USH2A: variants seen among roughly 807,000 people sequenced by gnomAD.
USH2A encodes Usher syndrome 2A (autosomal recessive, mild).
A neutral mutation model predicts 538.9 loss-of-function variants in USH2A; 443 were observed. The observed-to-expected ratio is 0.82, with a 90% CI of 0.76 to 0.89. USH2A has a LOEUF of 0.89. Ranked by LOEUF, USH2A falls within the 40% of genes least tolerant of loss-of-function variation. The probability of loss-of-function intolerance (pLI) is 0.00; values close to 1 mark genes in which losing one functional copy is unlikely to be tolerated. For synonymous variants in USH2A, 2,413 were observed against 2,273.5 expected, an observed-to-expected ratio of 1.06 and a Z score of -1.75; for missense variants, 6,633 against 6,324.8, an observed-to-expected ratio of 1.05 and a Z score of -1.65.
chr1:216,235,276 T>C (rs572620202), intron 13 of USH2A, among the ~76,000 whole-genome samples: 1 of 152,204 alleles, frequency 6.6e-6, no homozygotes, highest in Non-Finnish European at 1.5e-5. Context: ...TTCTTCATGT[T>C]CCAAATCTTT....
At chr1:216,158,461 T>C (rs1034932532) in intron 21 of USH2A, among the ~76,000 whole-genome samples, 4 of 152,110 alleles carry the variant, frequency 2.6e-5, no homozygotes, top group Non-Finnish European at 5.9e-5. Flanking sequence ...CTTGAACTCC[T>C]GAGCACAAGC....
chr1:215,681,276 G>GTATTGCATACAA (rs1658220653), intron 61 of USH2A, among the ~76,000 whole-genome samples: 2 of 151,566 alleles, frequency 1.3e-5, no homozygotes, highest in Non-Finnish European at 1.5e-5. Context: ...TTTTAAAGTA[G>GTATTGCATACAA]GAATTATGTA....
chr1:215,738,493 AT>A (rs1346885180), intron 60 of USH2A, among the ~76,000 whole-genome samples: 1 of 152,096 alleles, frequency 6.6e-6, no homozygotes, highest in Non-Finnish European at 1.5e-5. Flanking sequence ...ACATTCTTCT[AT>A]CTTTAATAGG....
At chr1:216,322,393 A>G (rs2037632655) in intron 8 of USH2A, among the ~76,000 whole-genome samples, 1 of 151,950 alleles carries the variant, frequency 6.6e-6, no homozygotes, top group Non-Finnish European at 1.5e-5. Flanking sequence ...ACTTGAGGTC[A>G]GGAGTTTGAG....
Position 216,246,872 on chromosome 1 carries a change from G to T in USH2A, c.2522C>A (p.Ser841Tyr), listed in dbSNP as rs111033282. ...EGNFYLRQNNSFLCLPCNCDK... is the reference protein window; with the variant it reads ...EGNFYLRQNNYFLCLPCNCDK... ...ACAGTTGCAAGGCAGACAGAGGAAAGAATTATTTTGCCGTAGGTAGAAGTT... is the reference window on the plus strand; with the variant it reads ...ACAGTTGCAAGGCAGACAGAGGAAATAATTATTTTGCCGTAGGTAGAAGTT... The change falls in exon 13 of 72, where the codon TCT becomes TAT. Residue 841 changes from serine to tyrosine, a missense_variant. Physicochemically the swap from Ser to Tyr is moderately radical, Grantham distance 144. Transcript: ENST00000307340. 11,141 of 1,614,154 alleles carry T rather than the reference G, an allele frequency of 6.9e-3. 54 individuals are homozygous for T. The highest frequency in any genetic ancestry group is 8.0e-3 in the Non-Finnish European group (9,488 of 1,179,990).
rs78508044 is a variant in USH2A, at chr1:215,744,632, A to G, written c.11390-1297T>C. ...GACCTAAGAGAGATGAGGTCTAAAG[A>G]ATGAAATGTGGTTTTGCTTTTTATA... is the stretch of plus-strand genomic sequence containing the variant. On this transcript the variant is annotated intron_variant, in intron 58 of 71. Transcript: ENST00000307340. Among the ~76,000 whole-genome samples the G allele has an allele frequency of 5.4e-3, 823 of 152,334 alleles. 15 individuals carry two copies. The highest frequency in any genetic ancestry group is 0.019 in the African/African-American group (795 of 41,578).
In USH2A at chr1:215,853,366, G is replaced by A. The variant is rs113783514; in HGVS notation, c.8846-7333C>T. Reference sequence around the variant, plus strand: ...ACACAGCATGGGAACCCTGGGTCTGGCCCTTGATACCACTTTTTCCTCCTA... The same window carrying A: ...ACACAGCATGGGAACCCTGGGTCTGACCCTTGATACCACTTTTTCCTCCTA... On this transcript the variant is annotated intron_variant, in intron 44 of 71. Coordinates refer to ENST00000307340, the MANE Select transcript of USH2A (RefSeq NM_206933.4). Among the ~76,000 whole-genome samples the A allele has an allele frequency of 6.6e-3, 1,005 of 152,258 alleles. 12 individuals carry two copies. Among genetic ancestry groups the A allele is most frequent in the African/African-American group, 0.023 (941 of 41,556 alleles).
chr1:216,073,047 G>A (rs766954815), intron 28 of USH2A, 50 bp downstream of exon 28: 29 of 1,612,830 alleles, frequency 1.8e-5, no homozygotes, highest in African/African-American at 2.7e-5. Context: ...GAGGGAAAGG[G>A]GGATGAATAA....
intron 14 of USH2A, among the ~76,000 whole-genome samples, chr1:216,226,705 T>G (rs558752738): frequency 3.3e-5 from 5 of 152,334 alleles, no homozygotes; most frequent in African/African-American, 1.2e-4. Flanking sequence ...TAACCTGTAG[T>G]CCACAGTAAT....
rs191753087 is a variant in USH2A at position 216,317,828 on chromosome 1, C to T, written c.1644+4055G>A. 5.9e-5 allele frequency among the ~76,000 whole-genome samples: 9 copies of T among 151,762 alleles called. No homozygotes were observed. The East Asian group carries it at 7.8e-4, about 13-fold the overall frequency. ...AGATCATGCCACTGCACTCCAGCCT[C>T]GGTGACAGAGTGAGACTCCCTCTCA... On this transcript the variant is annotated intron_variant, in intron 9 of 71. Coordinates refer to ENST00000307340, the MANE Select transcript of USH2A (RefSeq NM_206933.4).
chr1:215,858,196 T>A (rs1664222325), intron 44 of USH2A, among the ~76,000 whole-genome samples: 1 of 152,104 alleles, frequency 6.6e-6, no homozygotes, highest in Non-Finnish European at 1.5e-5. Context: ...GATATTCTAA[T>A]CCTATTATGT....
intron 11 of USH2A, among the ~76,000 whole-genome samples, chr1:216,283,541 G>A (rs942577737): frequency 2.0e-5 from 3 of 151,994 alleles, no homozygotes; most frequent in African/African-American, 7.3e-5. Context: ...ACAATGTTAT[G>A]GGATATTGTT....
At chr1:216,331,048 A>G (rs2037851355) in intron 4 of USH2A, among the ~76,000 whole-genome samples, 1 of 152,108 alleles carries the variant, frequency 6.6e-6, no homozygotes, top group East Asian at 1.9e-4. Flanking sequence ...GGAGCTTGCA[A>G]TCATATCCAT....
chr1:215,840,232 T>C (rs976519966), intron 46 of USH2A, among the ~76,000 whole-genome samples: 25 of 116,224 alleles, frequency 2.2e-4, no homozygotes, highest in South Asian at 2.7e-4. Flanking sequence ...TTAAAATCAA[T>C]AGCTATTTTA....
chr1:216,061,973 G>A (rs1299107903), intron 30 of USH2A, among the ~76,000 whole-genome samples: 2 of 152,126 alleles, frequency 1.3e-5, no homozygotes, highest in African/African-American at 4.8e-5. Flanking sequence ...AACAGCAACT[G>A]GATGCCCAGT....
chr1:216,196,045 A>T (rs1041251867), intron 19 of USH2A: 1 of 175,332 alleles, frequency 5.7e-6, no homozygotes, highest in Non-Finnish European at 1.3e-5. Context: ...ATATGACTGT[A>T]TATTCAAAAC....
intron 14 of USH2A, among the ~76,000 whole-genome samples, chr1:216,231,249 T>TTATATATATAATATATA (rs2035677812): frequency 3.6e-5 from 3 of 83,704 alleles, no homozygotes; most frequent in African/African-American, 1.4e-4. Flanking sequence ...TATATATATA[T>TTATATATATAATATATA]TATATATATA....
intron 41 of USH2A, among the ~76,000 whole-genome samples, chr1:215,881,359 C>T (rs191072248): frequency 6.6e-5 from 10 of 152,228 alleles, no homozygotes; most frequent in Non-Finnish European, 2.9e-5. Flanking sequence ...AGGCTGGTCT[C>T]GAACTCCTGA....
chr1:215,976,711 T>G (rs894996577), intron 35 of USH2A, among the ~76,000 whole-genome samples: 2 of 152,174 alleles, frequency 1.3e-5, no homozygotes, highest in Admixed American at 6.6e-5. Flanking sequence ...GCCTACTTGA[T>G]TGTGTTGAAT....
Sources: gnomAD v4.1 joint callset for allele counts (sites outside exome capture counted in the v4.1 genomes callset) on GRCh38, gnomAD v4.1.1 for gene constraint, MANE v1.5 for transcripts, NCBI Gene and HGNC (gene_info 2026-07-23, HGNC 2026-07-21) for gene names.